The following DST variants were observed in gnomAD, a reference collection of about 807,000 sequenced individuals.
DST encodes the protein bullous pemphigoid antigen.
In DST, 253 loss-of-function variants were observed where a neutral mutation model predicts 875.2. That is an observed-to-expected ratio of 0.29 (90% CI 0.26 to 0.32). The LOEUF is 0.32. DST is among the 10% of genes least tolerant of loss of function. The pLI is 1.00. For missense variants in DST, 8,287 were observed against 9,111.6 expected, an observed-to-expected ratio of 0.91 and a Z score of 3.68; for synonymous variants, 3,124 against 3,197.1, an observed-to-expected ratio of 0.98 and a Z score of 0.77.
At position 56,601,393 on chromosome 6, in the gene DST, T is replaced by C. The variant is rs1020721186; in HGVS notation, c.11541+50A>G. 12 of 1,258,498 alleles carry C rather than the reference T, an allele frequency of 9.5e-6. 1 individual carries two copies. The highest frequency in any genetic ancestry group is 1.3e-5 in the Non-Finnish European group (12 of 890,980). The allele number at this position is 1,258,498 out of a possible 1,614,324, so 78.0% of individuals were successfully genotyped here. A position where few individuals can be genotyped will look rare whatever the true frequency, so the allele number is the denominator to read the frequency against. On this transcript the variant is annotated intron_variant, in intron 44 of 103. Transcript: ENST00000680361. ...CTATACTCCTTGGGTATCTACATTA[T>C]GGTTTCACACTAAAAACAATGAATG... is the stretch of plus-strand genomic sequence containing the variant.
chr6:56,668,254 G>A (rs551742583), intron 10 of DST, among the ~76,000 whole-genome samples: 1 of 152,286 alleles, frequency 6.6e-6, no homozygotes, highest in Admixed American at 6.5e-5. Context: ...AAGTCACCTG[G>A]AAAGTGTAAT....
intron 9 of DST, among the ~76,000 whole-genome samples, chr6:56,672,117 C>A (rs2099104717): frequency 6.6e-6 from 1 of 152,190 alleles, no homozygotes; most frequent in East Asian, 1.9e-4. Context: ...TAGTGCCAGG[C>A]TCAGACAGGA....
chr6:56,607,769 G>A lies in DST; in HGVS notation c.6859C>T (p.Pro2287Ser). ...SSFNKCHCGEPEHEETPENRK... is the reference protein window; with the variant it reads ...SSFNKCHCGESEHEETPENRK... Reference sequence around the variant, plus strand: ...TTTTCAGGAGTCTCTTCATGTTCAGGTTCTCCACAGTGACATTTATTGAAA... The same window carrying A: ...TTTTCAGGAGTCTCTTCATGTTCAGATTCTCCACAGTGACATTTATTGAAA... The change falls in exon 40 of 104, where the codon CCT becomes TCT. Residue 2287 changes from proline to serine, a missense_variant. Transcript: ENST00000680361. The A allele has an allele frequency of 6.2e-7, 1 of 1,613,170 alleles. No individual in the cohort carries two copies. The highest frequency in any genetic ancestry group is 8.5e-7 in the Non-Finnish European group (1 of 1,179,620).
rs776665573 is a variant in DST, at chr6:56,607,263, G to A, written c.7365C>T (p.His2455=). The A allele has an allele frequency of 6.2e-7, 1 of 1,613,508 alleles. No homozygotes were observed. The highest frequency in any genetic ancestry group is 8.5e-7 in the Non-Finnish European group (1 of 1,179,668). ...ACTTATTTCCATTGCTCTCTGGGGT[G>A]TGTGTATCATTAAAACTTCCCTGAC... ...MHSQGSFNDT[H]TPESNGNKCE... Residue 2455 remains histidine, a synonymous_variant, in exon 40 of 104, where the codon CAC becomes CAT. Transcript: ENST00000680361.
intron 8 of DST, among the ~76,000 whole-genome samples, chr6:56,700,163 C>T (rs745900230): frequency 1.1e-4 from 17 of 152,246 alleles, no homozygotes; most frequent in East Asian, 3.9e-4. Flanking sequence ...AGGTTGCGCA[C>T]GCACTCCTTA....
At chr6:56,778,463 A>T (rs1483760444) in intron 4 of DST, among the ~76,000 whole-genome samples, 1 of 149,150 alleles carries the variant, frequency 6.7e-6, no homozygotes, top group African/African-American at 2.5e-5. Flanking sequence ...TACATATGCC[A>T]TGTTGGTATG....
intron 90 of DST, among the ~76,000 whole-genome samples, chr6:56,481,419 G>C (rs936380828): frequency 5.9e-5 from 9 of 152,148 alleles, no homozygotes; most frequent in Admixed American, 4.6e-4. Context: ...CATTGCCGCA[G>C]GAAAGATCTT....
intron 62 of DST, among the ~76,000 whole-genome samples, chr6:56,535,838 T>C (rs555316527): frequency 6.6e-6 from 1 of 152,332 alleles, no homozygotes; most frequent in Non-Finnish European, 1.5e-5. Flanking sequence ...AAATGGAGTC[T>C]CTGTGTCCTA....
Position 56,470,174 on chromosome 6 carries a change from T to C in DST, c.22430A>G (p.Lys7477Arg). ...ATCTGTGATAGGTTTATATGCATCT[T>C]TATTTGGGTGAAGGGCTGCTACAAA... The part of the protein sequence containing the change: ...YEFVAALHPN[K>R]DAYKPITDAD... The change falls in exon 96 of 104, where the codon AAA (lysine) becomes AGA (arginine). Residue 7477 changes from lysine (K) to arginine (R), a missense_variant. This residue lies in a region of DST where 87 missense variants were observed against 209.7 expected (regional missense o/e 0.41). Coordinates refer to ENST00000680361, the MANE Select transcript of DST (RefSeq NM_001374736.1). 6.2e-7 allele frequency: 1 copy of C among 1,612,880 alleles called. No individual in the cohort carries two copies. The highest frequency in any genetic ancestry group is 8.5e-7 in the Non-Finnish European group (1 of 1,179,364).
At chr6:56,603,444 C>G in intron 41 of DST, 24 bp from the exon 42 acceptor site, 2 of 1,600,400 alleles carry the variant, frequency 1.2e-6, no homozygotes, top group Non-Finnish European at 1.7e-6. Context: ...TATCCCGGAC[C>G]TATTTACTAT....
chr6:56,705,433 TA>T (rs2099329297), intron 5 of DST, among the ~76,000 whole-genome samples: 1 of 152,162 alleles, frequency 6.6e-6, no homozygotes, highest in African/African-American at 2.4e-5. Context: ...CAAAACTATA[TA>T]ACTACACAAA....
rs11359681 is a variant in DST, at chr6:56,465,867, T to TA, written c.22687+210dup. 0.043 allele frequency among the ~76,000 whole-genome samples: 4,859 copies of TA among 112,324 alleles called. 120 individuals are homozygous for TA. Among genetic ancestry groups the TA allele is most frequent in the Non-Finnish European group, 0.068 (3,429 of 50,422 alleles). The allele number at this position is 112,324 out of a possible 152,430, so 73.7% of individuals were successfully genotyped here. On this transcript the variant is annotated intron_variant, in intron 99 of 103. Coordinates refer to ENST00000680361, the MANE Select transcript of DST (RefSeq NM_001374736.1). ...GCCCACCATATTTATCCAGAAAAAGTAAAAAAAAAAAAAAAAAAGAAAGAA... is the reference window on the plus strand; with the variant it reads ...GCCCACCATATTTATCCAGAAAAAGTAAAAAAAAAAAAAAAAAAAGAAAGAA...
At chr6:56,602,060 G>A (rs1313085386) in intron 43 of DST, 1 of 393,084 alleles carries the variant, frequency 2.5e-6, no homozygotes, top group East Asian at 8.3e-5. Context: ...ATTGTGGTAA[G>A]ATATAAATAA....
At position 56,569,853 on chromosome 6, in the gene DST, C is replaced by T; in HGVS notation, c.13878+3G>A. 1 of 1,604,340 alleles carries T rather than the reference C, an allele frequency of 6.2e-7. No homozygotes were observed. The highest frequency in any genetic ancestry group is 8.5e-7 in the Non-Finnish European group (1 of 1,176,810). ...AATTTAGTATTAGATAACAATGATTCACCTTAGTGTCTTCCAAAGATTTTC... is the reference window on the plus strand; with the variant it reads ...AATTTAGTATTAGATAACAATGATTTACCTTAGTGTCTTCCAAAGATTTTC... On this transcript the variant is annotated splice_donor_region_variant and intron_variant, in intron 54 of 103. Transcript: ENST00000680361.
chr6:56,727,813 G>A (rs944182937), intron 5 of DST, among the ~76,000 whole-genome samples: 2 of 152,152 alleles, frequency 1.3e-5, no homozygotes, highest in African/African-American at 4.8e-5. Context: ...AAGATTCTGT[G>A]TCTTTATATT....
Position 56,954,482 on chromosome 6 carries a change from A to G in DST, c.106T>C (p.Cys36Arg). The change falls in exon 1 of 104, where the codon TGC (cysteine) becomes CGC (arginine). Residue 36 changes from cysteine (C) to arginine (R), a missense_variant. Coordinates refer to ENST00000680361, the MANE Select transcript of DST (RefSeq NM_001374736.1). The stretch of plus-strand genomic sequence containing the variant: ...TTCTGGAGCTTGCGGTGCCAGCAGC[A>G]GAAGAAGACGATGGTGGCGATGGTG... ...LGTIATIVFF[C>R]CWHRKLQKGR... 1 of 1,367,562 alleles carries G rather than the reference A, an allele frequency of 7.3e-7. No individual in the cohort carries two copies. Among genetic ancestry groups the G allele is most frequent in the Non-Finnish European group, 9.8e-7 (1 of 1,021,802 alleles). The allele number at this position is 1,367,562 out of a possible 1,614,324, so 84.7% of individuals were successfully genotyped here.
intron 4 of DST, among the ~76,000 whole-genome samples, chr6:56,824,411 C>T (rs1032862072): frequency 2.0e-5 from 3 of 152,234 alleles, no homozygotes; most frequent in African/African-American, 7.2e-5. Flanking sequence ...AGATTGCAGC[C>T]TCTGCCCGGC....
At position 56,615,856 on chromosome 6, in the gene DST, T is replaced by C. The variant is rs1368933853; in HGVS notation, c.4930-1372A>G. On this transcript the variant is annotated intron_variant, in intron 36 of 103. Coordinates refer to ENST00000680361, the MANE Select transcript of DST (RefSeq NM_001374736.1). ...TATTTGCATTCACAGCTTCCACCAC[T>C]GACATCATTTTGTTAGTGATGGGAT... 1 of 1,614,084 alleles carries C rather than the reference T, an allele frequency of 6.2e-7. No homozygotes were observed. The highest frequency in any genetic ancestry group is 1.3e-5 in the African/African-American group (1 of 74,926).
chr6:56,835,285 G>T (rs192038757), intron 4 of DST, among the ~76,000 whole-genome samples: 88 of 152,250 alleles, frequency 5.8e-4, no homozygotes, highest in Non-Finnish European at 9.4e-4. Flanking sequence ...TTATGCATTT[G>T]TCAAAACCTA....
Sources: allele counts gnomAD v4.1 joint callset (sites outside exome capture counted in the v4.1 genomes callset), GRCh38; gene constraint gnomAD v4.1.1; regional missense constraint gnomAD v4.1.1; transcripts MANE v1.5; gene names NCBI Gene and HGNC (gene_info 2026-07-23, HGNC 2026-07-21).